ERBIN: variants seen among roughly 807,000 people sequenced by gnomAD.
ERBIN encodes the protein densin-180-like protein.
Under a neutral mutation model 158.4 loss-of-function variants are expected in ERBIN, and 60 were observed. That is an observed-to-expected ratio of 0.38 (90% CI 0.31 to 0.47). The LOEUF (loss-of-function observed/expected upper bound fraction) is 0.47, where lower values mean the gene tolerates loss of function less well. ERBIN is among the 20% of genes least tolerant of loss of function. ERBIN has a pLI of 0.99. For synonymous variants in ERBIN, 594 were observed against 557.2 expected, an observed-to-expected ratio of 1.07 and a Z score of -0.93; for missense variants, 1,610 against 1,648.0, an observed-to-expected ratio of 0.98 and a Z score of 0.40.
chr5:65,973,260 G>C (rs556323449), intron 1 of ERBIN, among the ~76,000 whole-genome samples: 3 of 150,960 alleles, frequency 2.0e-5, no homozygotes, highest in African/African-American at 7.4e-5. Context: ...TTGTGGGGTG[G>C]GGGGAGCGGG....
At chr5:66,000,586 G>A (rs1011445582) in intron 4 of ERBIN, among the ~76,000 whole-genome samples, 5 of 152,126 alleles carry the variant, frequency 3.3e-5, no homozygotes, top group Admixed American at 2.6e-4. Context: ...TCTTCCTCAA[G>A]GAGGAATGAC....
intron 1 of ERBIN, among the ~76,000 whole-genome samples, chr5:65,956,505 G>A (rs7732280): frequency 0.039 from 5,822 of 149,278 alleles, 395 homozygotes; most frequent in African/African-American, 0.14. Context: ...GCCTGGGACT[G>A]CAGACACTCG....
In ERBIN at chr5:66,013,538, AT is replaced by A; in HGVS notation, c.387-7del. 1 of 1,560,620 alleles carries A rather than the reference AT, an allele frequency of 6.4e-7. No individual in the cohort carries two copies. Among genetic ancestry groups the A allele is most frequent in the Non-Finnish European group, 8.8e-7 (1 of 1,132,602 alleles). On this transcript the variant is annotated splice_polypyrimidine_tract_variant and intron_variant, in intron 5 of 25. Coordinates refer to ENST00000284037, the MANE Select transcript of ERBIN (RefSeq NM_001253697.2). ...ACATGAACTTAACTTAAATTCTGGTATTTTATGTAGGCTCCCTGATGGATTT... is the reference window on the plus strand; with the variant it reads ...ACATGAACTTAACTTAAATTCTGGTATTTATGTAGGCTCCCTGATGGATTT...
At chr5:66,002,813 C>T (rs1265607830) in intron 4 of ERBIN, among the ~76,000 whole-genome samples, 1 of 152,082 alleles carries the variant, frequency 6.6e-6, no homozygotes, top group Non-Finnish European at 1.5e-5. Context: ...GTATGTTGCT[C>T]TTGTGTTTTA....
At chr5:66,055,174 G>T (rs1203202616) in intron 21 of ERBIN, 7 of 1,120,802 alleles carry the variant, frequency 6.2e-6, no homozygotes, top group Non-Finnish European at 8.0e-6. Context: ...TAACAAAAAT[G>T]TATTAATTTT....
chr5:66,004,576 T>C (rs1753382654), intron 4 of ERBIN, among the ~76,000 whole-genome samples: 1 of 152,130 alleles, frequency 6.6e-6, no homozygotes. Flanking sequence ...TTTTTTTTGG[T>C]ATTTTCAGTT....
At chr5:66,043,292 G>A in intron 16 of ERBIN, 94 bp downstream of exon 16, 2 of 1,273,810 alleles carry the variant, frequency 1.6e-6, no homozygotes, top group Non-Finnish European at 2.2e-6. Context: ...ATATAACAAA[G>A]TATTGAATTT....
chr5:65,985,315 C>T (rs1751103216), intron 1 of ERBIN, among the ~76,000 whole-genome samples: 1 of 152,228 alleles, frequency 6.6e-6, no homozygotes, highest in Non-Finnish European at 1.5e-5. Context: ...CGGTCTTAAT[C>T]TCCTGACCTT....
intron 21 of ERBIN, among the ~76,000 whole-genome samples, chr5:66,055,889 C>G (rs1759531279): frequency 6.6e-6 from 1 of 152,018 alleles, no homozygotes; most frequent in Admixed American, 6.6e-5. Flanking sequence ...TATAATTGTT[C>G]TTTTTAGTGC....
chr5:65,950,494 G>A (rs1278914769), intron 1 of ERBIN, among the ~76,000 whole-genome samples: 2 of 152,194 alleles, frequency 1.3e-5, no homozygotes, highest in African/African-American at 4.8e-5. Flanking sequence ...ACCATATCAA[G>A]AAAAGGGTAT....
chr5:65,991,736 G>A (rs1751890463), intron 2 of ERBIN, among the ~76,000 whole-genome samples: 1 of 152,136 alleles, frequency 6.6e-6, no homozygotes, highest in African/African-American at 2.4e-5. Context: ...TTGGCCCTGA[G>A]AATGTTCACT....
intron 21 of ERBIN, among the ~76,000 whole-genome samples, chr5:66,061,489 CTT>C (rs1264499769): frequency 6.6e-6 from 1 of 152,268 alleles, no homozygotes; most frequent in South Asian, 2.1e-4. Context: ...GGTCTTGCCT[CTT>C]TATCCAATTT....
At chr5:66,056,150 T>G (rs776194636) in intron 21 of ERBIN, among the ~76,000 whole-genome samples, 1 of 152,174 alleles carries the variant, frequency 6.6e-6, no homozygotes, top group Non-Finnish European at 1.5e-5. Flanking sequence ...TCAAAGAGAT[T>G]GAGTTATGAT....
chr5:66,009,303 C>A (rs911548173), intron 4 of ERBIN, among the ~76,000 whole-genome samples: 1 of 152,174 alleles, frequency 6.6e-6, no homozygotes, highest in Non-Finnish European at 1.5e-5. Flanking sequence ...CGTCGAAGAA[C>A]TGATAAAGAT....
chr5:66,013,552 C>T lies in ERBIN; in HGVS notation c.390C>T (p.Leu130=). The change falls in exon 6 of 26, where the codon CTC becomes CTT. Residue 130 remains leucine, a synonymous_variant. Transcript: ENST00000284037. ...VEASVNPISK[L]PDGFSQLLNL... ...TAAATTCTGGTATTTTATGTAGGCT[C>T]CCTGATGGATTTTCTCAGCTGTTAA... 6.2e-7 allele frequency: 1 copy of T among 1,603,418 alleles called. No homozygotes were observed. The highest frequency in any genetic ancestry group is 1.1e-5 in the South Asian group (1 of 90,714).
intron 8 of ERBIN, 119 bp from the exon 9 acceptor site, chr5:66,023,171 C>T (rs1200840409): frequency 6.9e-6 from 5 of 729,062 alleles, no homozygotes; most frequent in East Asian, 5.5e-5. Flanking sequence ...CTCCCTGCTC[C>T]TTTTATTTAA....
chr5:65,964,908 T>TTGTGTG (rs70987104), intron 1 of ERBIN, among the ~76,000 whole-genome samples: 1,991 of 107,240 alleles, frequency 0.019, 101 homozygotes, highest in African/African-American at 0.072. Flanking sequence ...CCTGGCTGAT[T>TTGTGTG]TGTGTGTGTG....
chr5:65,978,382 G>GA (rs539492787), intron 1 of ERBIN, among the ~76,000 whole-genome samples: 64 of 151,128 alleles, frequency 4.2e-4, no homozygotes, highest in Admixed American at 2.9e-3. Context: ...TTTTTCTGTT[G>GA]AAAAAAAAAT....
At chr5:66,070,781 T>G (rs1761456504) in intron 21 of ERBIN, among the ~76,000 whole-genome samples, 2 of 152,218 alleles carry the variant, frequency 1.3e-5, no homozygotes, top group African/African-American at 4.8e-5. Flanking sequence ...CTGCACATGA[T>G]AGATGTGTTG....
Sources: allele counts gnomAD v4.1 joint callset (sites outside exome capture counted in the v4.1 genomes callset), GRCh38; gene constraint gnomAD v4.1.1; transcripts MANE v1.5; gene names NCBI Gene and HGNC (gene_info 2026-07-23, HGNC 2026-07-21).